ZNF184: variants seen among roughly 807,000 people sequenced by gnomAD.
ZNF184 encodes zinc finger protein 184 (Kruppel-like).
A neutral mutation model predicts 54.4 loss-of-function variants in ZNF184; 16 were observed. The ratio of observed to expected loss-of-function variants is 0.29; its 90% confidence interval spans 0.20 to 0.45. The LOEUF (loss-of-function observed/expected upper bound fraction) is 0.45. Among genes scored for constraint, ZNF184 ranks in the 20% least tolerant of loss-of-function variants. The pLI is 1.00. For synonymous variants in ZNF184, 254 were observed against 295.3 expected, an observed-to-expected ratio of 0.86 and a Z score of 1.43; for missense variants, 681 against 888.2, an observed-to-expected ratio of 0.77 and a Z score of 2.97.
the ZNF184 span, among the ~76,000 whole-genome samples, chr6:27,424,208 G>C: frequency 6.6e-6 from 1 of 152,142 alleles, no homozygotes; most frequent in Non-Finnish European, 1.5e-5. Flanking sequence ...GGAGTTGTTC[G>C]TTCTTCACGG....
chr6:27,441,162 G>T, the ZNF184 span, among the ~76,000 whole-genome samples: 1 of 152,146 alleles, frequency 6.6e-6, no homozygotes, highest in Non-Finnish European at 1.5e-5. Context: ...TTTACTGATA[G>T]GCATTGTGAT....
the ZNF184 span, chr6:27,404,432 G>A: frequency 6.6e-6 from 1 of 152,172 alleles, no homozygotes. Flanking sequence ...AAAGGCAGAT[G>A]CGAAGATTGT....
chr6:27,435,042 C>T, the ZNF184 span, among the ~76,000 whole-genome samples: 2 of 152,150 alleles, frequency 1.3e-5, no homozygotes, highest in South Asian at 4.1e-4. Flanking sequence ...GTCAGTATCA[C>T]ATTCTTCTGA....
At chr6:27,409,326 T>C in the ZNF184 span, among the ~76,000 whole-genome samples, 5,424 of 151,644 alleles carry the variant, frequency 0.036, 199 homozygotes, top group African/African-American at 0.094. Context: ...GGTGAAACCC[T>C]GTCTCTACTA....
chr6:27,451,821 G>T lies in ZNF184; in HGVS notation c.1738C>A (p.His580Asn). 1 of 1,613,466 alleles carries T rather than the reference G, an allele frequency of 6.2e-7. No homozygotes were observed. The highest frequency in any genetic ancestry group is 8.5e-7 in the Non-Finnish European group (1 of 1,179,998). Reference protein sequence around the residue: ...GSSLIQHRKIHTGERPYKCNE... With the variant: ...GSSLIQHRKINTGERPYKCNE... The stretch of plus-strand genomic sequence containing the variant: ...CACTTGTAAGGTCGTTCTCCAGTAT[G>T]GATCTTCCTATGCTGAATAAGGGAT... The change falls in exon 6 of 6, where the codon CAT (histidine) becomes AAT (asparagine). Residue 580 changes from histidine to asparagine, a missense_variant. His to Asn is a moderately conservative substitution (Grantham distance 68, BLOSUM62 1). Coordinates refer to ENST00000683788, the MANE Select transcript of ZNF184 (RefSeq NM_001318891.2).
At chr6:27,422,079 T>C in the ZNF184 span, among the ~76,000 whole-genome samples, 2 of 147,256 alleles carry the variant, frequency 1.4e-5, no homozygotes, top group South Asian at 2.2e-4. Context: ...AGGTCGAGGC[T>C]GCAGTGAGCC....
chr6:27,415,335 T>TA, the ZNF184 span, among the ~76,000 whole-genome samples: 7 of 150,010 alleles, frequency 4.7e-5, no homozygotes, highest in East Asian at 1.9e-4. Flanking sequence ...CACATTTTAG[T>TA]AAAAAAAAAA....
intron 3 of ZNF184, among the ~76,000 whole-genome samples, chr6:27,462,037 A>G (rs1271703663): frequency 6.6e-6 from 1 of 152,172 alleles, no homozygotes; most frequent in Non-Finnish European, 1.5e-5. Flanking sequence ...AAAACTTCAT[A>G]ATTCATGAGG....
the ZNF184 span, among the ~76,000 whole-genome samples, chr6:27,432,102 C>G: frequency 6.6e-6 from 1 of 152,120 alleles, no homozygotes; most frequent in Non-Finnish European, 1.5e-5. The surrounding 1 kb of genome is among the most constrained non-coding windows in gnomAD (Gnocchi z 4.0). Context: ...AACTCCCACC[C>G]CCACCTTGCT....
rs773631708 is a variant in ZNF184, at chr6:27,451,535, C to T, written c.2024G>A (p.Cys675Tyr). 6.2e-7 allele frequency: 1 copy of T among 1,614,122 alleles called. No homozygotes were observed. The highest frequency in any genetic ancestry group is 1.1e-5 in the South Asian group (1 of 91,082). The change falls in exon 6 of 6, where the codon TGT (cysteine) becomes TAT (tyrosine). Residue 675 changes from cysteine (C) to tyrosine (Y), a missense_variant. By Grantham distance (194) the Cys-to-Tyr change is radical. Coordinates refer to ENST00000683788, the MANE Select transcript of ZNF184 (RefSeq NM_001318891.2). Reference sequence around the variant, plus strand: ...AGTGCTCCGGCTAAAGGCTTTGTCACATTCATTGCACTTATAGGGCTTCTC... The same window carrying T: ...AGTGCTCCGGCTAAAGGCTTTGTCATATTCATTGCACTTATAGGGCTTCTC... Reference protein sequence around the residue: ...TGEKPYKCNECDKAFSRSTHL... With the variant: ...TGEKPYKCNEYDKAFSRSTHL...
In ZNF184 at chr6:27,452,678, G is replaced by C; in HGVS notation, c.881C>G (p.Thr294Ser). Residue 294 changes from threonine to serine, a missense_variant, in exon 6 of 6, where the codon ACT becomes AGT. Thr to Ser is a moderately conservative substitution (Grantham distance 58, BLOSUM62 1). Transcript: ENST00000683788. The surrounding 1 kb of genome is among the most constrained non-coding windows in gnomAD (Gnocchi z 5.5). ...TCCAGTATGAATTCTTTGATGTTGA[G>C]TAAGAGATGGACCCTCAATGAAGCC... ...GKGFIEGPSL[T>S]QHQRIHTGEK... is the part of the protein sequence containing the mutation. The C allele has an allele frequency of 6.2e-7, 1 of 1,613,832 alleles. No individual in the cohort carries two copies. The highest frequency in any genetic ancestry group is 1.1e-5 in the South Asian group (1 of 91,054).
the ZNF184 span, among the ~76,000 whole-genome samples, chr6:27,437,016 T>C: frequency 6.6e-6 from 1 of 152,212 alleles, no homozygotes; most frequent in Non-Finnish European, 1.5e-5. Flanking sequence ...AAACATTCTG[T>C]GTTAACCTTC....
chr6:27,426,790 C>G, the ZNF184 span, among the ~76,000 whole-genome samples: 1 of 152,142 alleles, frequency 6.6e-6, no homozygotes, highest in Non-Finnish European at 1.5e-5. The surrounding 1 kb of genome is among the most constrained non-coding windows in gnomAD (Gnocchi z 4.2). Flanking sequence ...TCCATAGCCT[C>G]TTAAATTTGA....
At chr6:27,414,932 C>T in the ZNF184 span, among the ~76,000 whole-genome samples, 1 of 152,128 alleles carries the variant, frequency 6.6e-6, no homozygotes, top group African/African-American at 2.4e-5. Flanking sequence ...GCTCACGCCT[C>T]ATGATAGTAT....
At position 27,451,506 on chromosome 6, in the gene ZNF184, G is replaced by T. The variant is rs748974450; in HGVS notation, c.2053C>A (p.Leu685Met). The T allele has an allele frequency of 3.1e-6, 5 of 1,614,184 alleles. No individual in the cohort carries two copies. The highest frequency in any genetic ancestry group is 4.2e-6 in the Non-Finnish European group (5 of 1,180,018). ...CDKAFSRSTH[L>M]TEHQNTHTGE... ...GTATGAGTATTCTGATGTTCAGTCA[G>T]ATGAGTGCTCCGGCTAAAGGCTTTG... Residue 685 changes from leucine to methionine, a missense_variant, in exon 6 of 6, where the codon CTG (leucine) becomes ATG (methionine). By Grantham distance (15) the Leu-to-Met change is conservative. Coordinates refer to ENST00000683788, the MANE Select transcript of ZNF184 (RefSeq NM_001318891.2).
In ZNF184 at chr6:27,473,080, G is replaced by A. The variant is rs1323612119; in HGVS notation, c.-491C>T. The stretch of plus-strand genomic sequence containing the variant: ...GGGAGCCGAAGCAACTGGACTTCCA[G>A]CGCGCCAACCTCTTTCCACGCCTAC... On this transcript the variant is annotated 5_prime_UTR_variant, in exon 1 of 6. Transcript: ENST00000683788. The A allele has an allele frequency of 6.6e-6, 1 of 152,428 alleles. No individual in the cohort carries two copies. The highest frequency in any genetic ancestry group is 1.5e-5 in the Non-Finnish European group (1 of 68,230). 9.4% of individuals were successfully genotyped at this position (152,428 alleles called of 1,614,324 possible). A position where few individuals can be genotyped will look rare whatever the true frequency, so the allele number is the denominator to read the frequency against.
chr6:27,407,845 T>C, the ZNF184 span: 2 of 784,786 alleles, frequency 2.5e-6, no homozygotes, highest in East Asian at 2.4e-5. Flanking sequence ...TCCACAGCCA[T>C]CACTCATATC....
chr6:27,466,449 C>A (rs756048904), intron 3 of ZNF184, among the ~76,000 whole-genome samples: 21 of 152,118 alleles, frequency 1.4e-4, no homozygotes, highest in Admixed American at 2.6e-4. Context: ...AACATACATT[C>A]TTTTCAAGTG....
the ZNF184 span, among the ~76,000 whole-genome samples, chr6:27,428,626 G>T: frequency 6.6e-6 from 1 of 152,182 alleles, no homozygotes; most frequent in African/African-American, 2.4e-5. The surrounding 1 kb of genome is among the most constrained non-coding windows in gnomAD (Gnocchi z 4.1). Flanking sequence ...CAAATGCTAA[G>T]TAACTTACTA....
Sources: gnomAD v4.1 joint callset for allele counts (sites outside exome capture counted in the v4.1 genomes callset) on GRCh38, gnomAD v4.1.1 for gene constraint, Gnocchi (gnomAD v3.1) non-coding constraint, MANE v1.5 for transcripts, NCBI Gene and HGNC (gene_info 2026-07-23, HGNC 2026-07-21) for gene names.